Variants in DCDC1 observed in about 807,000 individuals in gnomAD.
The protein encoded by DCDC1 is doublecortin domain containing 1.
Under a neutral mutation model 178.3 loss-of-function variants are expected in DCDC1, and 200 were observed. The observed-to-expected ratio is 1.12, with a 90% CI of 1.00 to 1.26. DCDC1 has a LOEUF of 1.26. Ranked by LOEUF, DCDC1 falls within the 50% of genes most tolerant of loss-of-function variation. DCDC1 has a pLI of 0.00. For synonymous variants in DCDC1, 690 were observed against 604.8 expected, an observed-to-expected ratio of 1.14 and a Z score of -2.07; for missense variants, 1,983 against 1,749.2, an observed-to-expected ratio of 1.13 and a Z score of -2.38.
intron 2 of DCDC1, among the ~76,000 whole-genome samples, chr11:31,329,519 G>A (rs1190826028): frequency 6.6e-6 from 1 of 151,970 alleles, no homozygotes; most frequent in Non-Finnish European, 1.5e-5. Flanking sequence ...TTTACATTGG[G>A]TATTTCTCCG....
At chr11:30,919,725 C>A (rs273608) in intron 25 of DCDC1, among the ~76,000 whole-genome samples, 103,122 of 152,002 alleles carry the variant, frequency 0.68, 35,312 homozygotes, top group Middle Eastern at 0.8. Flanking sequence ...CTAAAATAAA[C>A]GTTCATATTC....
chr11:30,899,095 C>T (rs573896490), intron 34 of DCDC1, among the ~76,000 whole-genome samples: 2 of 151,726 alleles, frequency 1.3e-5, no homozygotes, highest in Non-Finnish European at 2.9e-5. Context: ...GATTTTAGTA[C>T]TTCCTCATTC....
chr11:31,003,254 T>A (rs890328501), intron 20 of DCDC1, among the ~76,000 whole-genome samples: 2 of 152,168 alleles, frequency 1.3e-5, no homozygotes, highest in African/African-American at 2.4e-5. Context: ...AGCACTTTAG[T>A]AGATGCTTAA....
intron 20 of DCDC1, among the ~76,000 whole-genome samples, chr11:31,056,311 T>C (rs896549317): frequency 6.6e-6 from 1 of 151,976 alleles, no homozygotes; most frequent in Non-Finnish European, 1.5e-5. Context: ...ATGGAACATA[T>C]AGATATCAAA....
At chr11:31,088,108 A>G (rs1957590826) in intron 17 of DCDC1, among the ~76,000 whole-genome samples, 1 of 152,056 alleles carries the variant, frequency 6.6e-6, no homozygotes, top group Non-Finnish European at 1.5e-5. Flanking sequence ...CGTCTACTTT[A>G]TCTGATATTA....
chr11:30,879,824 C>A (rs753239361), intron 37 of DCDC1, among the ~76,000 whole-genome samples: 1 of 152,072 alleles, frequency 6.6e-6, no homozygotes, highest in Non-Finnish European at 1.5e-5. Flanking sequence ...TTTTGGCTAG[C>A]TTGCCTGAAG....
At chr11:31,330,162 ATT>A (rs1181236886) in intron 2 of DCDC1, among the ~76,000 whole-genome samples, 1 of 152,060 alleles carries the variant, frequency 6.6e-6, no homozygotes, top group Non-Finnish European at 1.5e-5. Context: ...GATGATGAGC[ATT>A]TTTTCATGTG....
At chr11:30,969,327 G>A (rs1949649755) in intron 20 of DCDC1, among the ~76,000 whole-genome samples, 1 of 152,138 alleles carries the variant, frequency 6.6e-6, no homozygotes, top group South Asian at 2.1e-4. Flanking sequence ...CTACAAAAGA[G>A]GAGAAGGCAA....
chr11:31,234,502 C>T (rs1332862008), intron 9 of DCDC1, among the ~76,000 whole-genome samples: 1 of 152,162 alleles, frequency 6.6e-6, no homozygotes, highest in Non-Finnish European at 1.5e-5. Flanking sequence ...ATTAGTCAGA[C>T]TTCTCAAGAA....
At chr11:31,044,799 C>G (rs190570175) in intron 20 of DCDC1, among the ~76,000 whole-genome samples, 1 of 152,132 alleles carries the variant, frequency 6.6e-6, no homozygotes, top group Non-Finnish European at 1.5e-5. Context: ...GGTGAAAACT[C>G]GCTGTGTTTA....
intron 15 of DCDC1, among the ~76,000 whole-genome samples, chr11:31,098,722 C>T (rs760716558): frequency 1.6e-4 from 24 of 152,178 alleles, no homozygotes; most frequent in African/African-American, 2.4e-4. Flanking sequence ...TTTAAAAGTG[C>T]TCCTTTTCAG....
intron 20 of DCDC1, among the ~76,000 whole-genome samples, chr11:31,041,163 C>T (rs577543136): frequency 6.6e-6 from 1 of 152,302 alleles, no homozygotes; most frequent in African/African-American, 2.4e-5. Context: ...AGTGAAAGAT[C>T]TGGGACAGTC....
chr11:30,941,261 T>C (rs936276061), intron 21 of DCDC1, among the ~76,000 whole-genome samples: 2 of 152,314 alleles, frequency 1.3e-5, no homozygotes, highest in African/African-American at 4.8e-5. Flanking sequence ...GTCATAATGA[T>C]CCTATTTATC....
chr11:30,954,209 G>T (rs1191992937), intron 20 of DCDC1, among the ~76,000 whole-genome samples: 13 of 151,716 alleles, frequency 8.6e-5, no homozygotes, highest in Non-Finnish European at 1.9e-4. Context: ...TAGAGACGGG[G>T]TTTCACCGTG....
At chr11:31,247,727 G>C (rs919485219) in intron 8 of DCDC1, among the ~76,000 whole-genome samples, 8 of 151,870 alleles carry the variant, frequency 5.3e-5, no homozygotes, top group Non-Finnish European at 1.2e-4. Flanking sequence ...TGGTAGAACA[G>C]GTCAGCATAC....
chr11:31,328,935 C>A (rs1949799095), intron 2 of DCDC1, among the ~76,000 whole-genome samples: 1 of 142,868 alleles, frequency 7.0e-6, no homozygotes, highest in African/African-American at 2.6e-5. Flanking sequence ...TGAAAAAGCA[C>A]ACCACAAGGC....
chr11:30,922,418 A>C, intron 24 of DCDC1, 85 bp downstream of exon 24: 2 of 1,396,720 alleles, frequency 1.4e-6, no homozygotes, highest in Non-Finnish European at 1.9e-6. Flanking sequence ...TACTTGTTTA[A>C]ACAAACTTTG....
intron 10 of DCDC1, among the ~76,000 whole-genome samples, 182 bp from the exon 11 acceptor site, chr11:31,127,821 T>C (rs1057338765): frequency 2.6e-5 from 4 of 152,166 alleles, no homozygotes; most frequent in Admixed American, 1.3e-4. Flanking sequence ...CTTTTATTTA[T>C]GAAAAAATGT....
chr11:31,213,301 G>C (rs769796821), intron 9 of DCDC1, among the ~76,000 whole-genome samples: 19 of 151,486 alleles, frequency 1.3e-4, no homozygotes, highest in Non-Finnish European at 2.1e-4. Flanking sequence ...TTCAAATTTA[G>C]CCTTATCATT....
Sources: gnomAD v4.1 joint callset for allele counts (sites outside exome capture counted in the v4.1 genomes callset) on GRCh38, gnomAD v4.1.1 for gene constraint, MANE v1.5 for transcripts, NCBI Gene and HGNC (gene_info 2026-07-23, HGNC 2026-07-21) for gene names.